ZSCAN31: variants seen among roughly 807,000 people sequenced by gnomAD.
ZSCAN31 encodes zinc finger and SCAN domain-containing protein 31.
ZSCAN31 carries 14 observed loss-of-function variants against 22.5 expected under a neutral mutation model. The ratio of observed to expected loss-of-function variants is 0.62; its 90% CI spans 0.41 to 0.97. The LOEUF (loss-of-function observed/expected upper bound fraction) is 0.97. ZSCAN31 is among the 50% of genes least tolerant of loss of function. The pLI is 0.00. For missense variants in ZSCAN31, 424 were observed against 483.4 expected, an observed-to-expected ratio of 0.88 and a Z score of 1.15; for synonymous variants, 168 against 169.8, an observed-to-expected ratio of 0.99 and a Z score of 0.08.
chr6:28,326,222 T>C lies in ZSCAN31; in HGVS notation c.1165A>G (p.Ser389Gly). ...YQCSQCSKLFSKRTLLKKHQK... is the reference protein window; with the variant it reads ...YQCSQCSKLFGKRTLLKKHQK... ...TGTTTCTTAAGAAGTGTCCGCTTACTAAAGAGTTTACTGCACTGACTGCAC... is the reference window on the plus strand; with the variant it reads ...TGTTTCTTAAGAAGTGTCCGCTTACCAAAGAGTTTACTGCACTGACTGCAC... Residue 389 changes from serine (S) to glycine (G), a missense_variant, in exon 4 of 4, where the codon AGT becomes GGT. Coordinates refer to ENST00000344279, the MANE Select transcript of ZSCAN31 (RefSeq NM_030899.5). 1.2e-6 allele frequency: 2 copies of C among 1,613,996 alleles called. No homozygotes were observed. Among genetic ancestry groups the C allele is most frequent in the Non-Finnish European group, 1.7e-6 (2 of 1,179,900 alleles).
At chr6:28,327,326 T>C (rs1763365949) in intron 3 of ZSCAN31, 57 bp downstream of exon 3, 2 of 1,594,390 alleles carry the variant, frequency 1.3e-6, no homozygotes, top group East Asian at 4.5e-5. Flanking sequence ...CAGTCTTAAC[T>C]ATCGCCCTAT....
chr6:28,339,429 C>G (rs1764326048), upstream of ZSCAN31, among the ~76,000 whole-genome samples: 1 of 152,120 alleles, frequency 6.6e-6, no homozygotes, highest in South Asian at 2.1e-4. Context: ...TCTGGGATTA[C>G]AGGCATGTGC....
intron 2 of ZSCAN31, 117 bp downstream of exon 2, chr6:28,329,186 G>A (rs1763547784): frequency 3.1e-6 from 4 of 1,271,910 alleles, no homozygotes; most frequent in East Asian, 2.3e-5. Context: ...AGGTTTAGGG[G>A]TAATTTGTTA....
At chr6:28,337,979 C>T (rs1035694915), upstream of ZSCAN31, 1 of 151,980 alleles carries the variant, frequency 6.6e-6, no homozygotes, top group African/African-American at 2.4e-5. Context: ...GGATAATCAC[C>T]AGCTGCAGTA....
rs1303827992 is a variant in ZSCAN31, at chr6:28,326,171, G to C, written c.1216C>G (p.Pro406Ala). 21 of 1,606,928 alleles carry C rather than the reference G, an allele frequency of 1.3e-5. No homozygotes were observed. Among genetic ancestry groups the C allele is most frequent in the Middle Eastern group, 1.6e-4 (1 of 6,068 alleles). The change falls in exon 4 of 4, where the codon CCA becomes GCA. Residue 406 changes from proline (P) to alanine (A), a missense_variant. Transcript: ENST00000344279. ...KHQKIHTGER[P>A] ...CTTTCCCAAACTCATCACCCTTATG[G>C]TCTCTCTCCAGTGTGGATTTTCTGA...
intron 2 of ZSCAN31, chr6:28,353,497 T>G: frequency 5.9e-6 from 1 of 168,898 alleles, no homozygotes; most frequent in Non-Finnish European, 1.3e-5. Flanking sequence ...AATACAGAAA[T>G]CATCCATTAC....
At chr6:28,342,807 G>C (rs1764466895) in intron 2 of ZSCAN31, among the ~76,000 whole-genome samples, 2 of 152,160 alleles carry the variant, frequency 1.3e-5, no homozygotes, top group Admixed American at 1.3e-4. Context: ...TGCAGTTTTT[G>C]GACTACAGCT....
At chr6:28,354,017 C>G (rs1765246798) in intron 1 of ZSCAN31, 4 of 449,586 alleles carry the variant, frequency 8.9e-6, no homozygotes, top group Non-Finnish European at 1.8e-5. Context: ...CTGTCTGCCT[C>G]TGTCTCGGCT....
chr6:28,339,262 T>C (rs187521467), upstream of ZSCAN31, among the ~76,000 whole-genome samples: 88 of 152,336 alleles, frequency 5.8e-4, 1 homozygote, highest in Admixed American at 5.6e-3. Flanking sequence ...GATTTTATTA[T>C]CTTTATTTCT....
In ZSCAN31 at chr6:28,349,888, C is replaced by T. The variant is rs957952860; in HGVS notation, c.-371+3974G>A. The T allele has an allele frequency of 2.6e-5, 4 of 152,242 alleles. No individual in the cohort carries two copies. Among genetic ancestry groups the T allele is most frequent in the Non-Finnish European group, 1.5e-5 (1 of 68,056 alleles). 9.4% of individuals were successfully genotyped at this position (152,242 alleles called of 1,614,324 possible). A position where few individuals can be genotyped will look rare whatever the true frequency, so the allele number is the denominator to read the frequency against. On this transcript the variant is annotated intron_variant, in intron 2 of 7. Transcript: ENST00000396838. The surrounding 1 kb of genome is among the most constrained non-coding windows in gnomAD (Gnocchi z 4.1). Reference sequence around the variant, plus strand: ...CGAGCTAGCAAACGACAGAGTCTGTCAGGGAGGTGGCTAGAGAGGCCCGGA... The same window carrying T: ...CGAGCTAGCAAACGACAGAGTCTGTTAGGGAGGTGGCTAGAGAGGCCCGGA...
chr6:28,333,222 C>G lies in ZSCAN31; in HGVS notation c.-96+2860G>C, dbSNP rs1419545151. 2.0e-5 allele frequency among the ~76,000 whole-genome samples: 3 copies of G among 152,224 alleles called. No individual in the cohort carries two copies. Among genetic ancestry groups the G allele is most frequent in the African/African-American group, 7.2e-5 (3 of 41,460 alleles). ...AATAAAAGGTAGTTGACTGCTGACT[C>G]AGCTTATGACTTTATCAGCAACTAA... On this transcript the variant is annotated intron_variant, in intron 1 of 3. Transcript: ENST00000344279. This position sits in a 1 kb window ranked among gnomAD's most constrained non-coding sequence, Gnocchi z 4.1.
chr6:28,347,924 G>A lies in ZSCAN31; in HGVS notation c.-371+5938C>T, dbSNP rs1764709392. 1.3e-5 allele frequency among the ~76,000 whole-genome samples: 2 copies of A among 152,184 alleles called. No individual in the cohort carries two copies. Among genetic ancestry groups the A allele is most frequent in the South Asian group, 4.1e-4 (2 of 4,830 alleles). On this transcript the variant is annotated intron_variant, in intron 2 of 7. Transcript: ENST00000396838. This position sits in a 1 kb window ranked among gnomAD's most constrained non-coding sequence, Gnocchi z 5.2. ...TATCAGCAAATGTTATTACTCAGGT[G>A]TTGGTATAAAATGATTTAAAATTTG...
rs1349692568 is a variant in ZSCAN31, at chr6:28,347,586, A to G, written c.-370-5794T>C. 1.3e-5 allele frequency among the ~76,000 whole-genome samples: 2 copies of G among 151,566 alleles called. No homozygotes were observed. The highest frequency in any genetic ancestry group is 4.9e-5 in the African/African-American group (2 of 41,176). On this transcript the variant is annotated intron_variant, in intron 2 of 7. Transcript: ENST00000396838. The surrounding 1 kb of genome is among the most constrained non-coding windows in gnomAD (Gnocchi z 5.2). The stretch of plus-strand genomic sequence containing the variant: ...CTTTTGTTTGTTTTTGTTTATTATT[A>G]TTATTTTTTTGGCTCAGTCTCCCCT...
intron 2 of ZSCAN31, among the ~76,000 whole-genome samples, chr6:28,344,853 G>A (rs1172841091): frequency 1.3e-5 from 2 of 151,934 alleles, no homozygotes; most frequent in Non-Finnish European, 2.9e-5. Context: ...AATTGGGCCA[G>A]ACATGGTGGC....
At chr6:28,348,438 T>G (rs1379530733) in intron 2 of ZSCAN31, among the ~76,000 whole-genome samples, 2 of 152,166 alleles carry the variant, frequency 1.3e-5, no homozygotes, top group Non-Finnish European at 2.9e-5. Context: ...AAACCCAATT[T>G]TATTTCATTT....
At chr6:28,329,826 G>A in intron 1 of ZSCAN31, 48 bp from the exon 2 acceptor site, 4 of 958,308 alleles carry the variant, frequency 4.2e-6, no homozygotes, top group South Asian at 4.1e-5. Flanking sequence ...ATAAAGTAGT[G>A]GGGAAAAAAG....
chr6:28,327,684 A>C, intron 2 of ZSCAN31, 151 bp from the exon 3 acceptor site: 1 of 872,350 alleles, frequency 1.1e-6, no homozygotes, highest in Non-Finnish European at 1.7e-6. Flanking sequence ...ACCCAAAAGC[A>C]AAACAGGGAA....
chr6:28,329,747 T>G lies in ZSCAN31; in HGVS notation c.-64A>C. The stretch of plus-strand genomic sequence containing the variant: ...TAAAGGGATAACTGTGATTTAAAAT[T>G]TTCTGATTTAATCTTCCTTAGGAGA... On this transcript the variant is annotated 5_prime_UTR_variant, in exon 2 of 4. Coordinates refer to ENST00000344279, the MANE Select transcript of ZSCAN31 (RefSeq NM_030899.5). The G allele has an allele frequency of 6.6e-7, 1 of 1,520,636 alleles. No individual in the cohort carries two copies. The highest frequency in any genetic ancestry group is 2.3e-5 in the East Asian group (1 of 44,144). 94.2% of individuals were successfully genotyped at this position (1,520,636 alleles called of 1,614,324 possible).
intron 1 of ZSCAN31, chr6:28,335,704 C>T (rs1581686343): frequency 6.6e-6 from 1 of 152,272 alleles, no homozygotes. Flanking sequence ...TAAGCGCATT[C>T]CCTCTCCTTT....
Sources: gnomAD v4.1 joint callset for allele counts (sites outside exome capture counted in the v4.1 genomes callset) on GRCh38, gnomAD v4.1.1 for gene constraint, Gnocchi (gnomAD v3.1) non-coding constraint, MANE v1.5 for transcripts, NCBI Gene and HGNC (gene_info 2026-07-23, HGNC 2026-07-21) for gene names.